DOCK9: variants seen among roughly 807,000 people sequenced by gnomAD.
DOCK9 encodes the protein dedicator of cytokinesis protein 9.
DOCK9 carries 89 observed loss-of-function variants against 263.3 expected under a neutral mutation model. The ratio of observed to expected loss-of-function variants is 0.34; its 90% CI spans 0.28 to 0.40. The LOEUF (loss-of-function observed/expected upper bound fraction) is 0.40, where lower values mean the gene tolerates loss of function less well. DOCK9 is among the 10% of genes least tolerant of loss of function. The pLI, the probability that DOCK9 is intolerant of heterozygous loss-of-function variation, is 1.00. For synonymous variants in DOCK9, 976 were observed against 973.1 expected, an observed-to-expected ratio of 1.00 and a Z score of -0.06; for missense variants, 2,140 against 2,603.4, an observed-to-expected ratio of 0.82 and a Z score of 3.87.
intron 3 of DOCK9, 101 bp downstream of exon 3, chr13:98,930,067 A>G (rs2053656104): frequency 9.7e-7 from 1 of 1,029,610 alleles, no homozygotes; most frequent in South Asian, 1.4e-5. Context: ...AAATACAATT[A>G]CCCTTTTGAC....
intron 15 of DOCK9, among the ~76,000 whole-genome samples, chr13:98,890,292 A>T (rs1441424858): frequency 6.6e-6 from 1 of 151,642 alleles, no homozygotes; most frequent in Non-Finnish European, 1.5e-5. Context: ...CCAGACTGAC[A>T]CTAGCTCATT....
At chr13:98,994,860 T>C (rs1880642808) in intron 1 of DOCK9, among the ~76,000 whole-genome samples, 1 of 152,188 alleles carries the variant, frequency 6.6e-6, no homozygotes, top group Admixed American at 6.5e-5. Flanking sequence ...TTGTGTCAAA[T>C]ATATAATTAT....
intron 49 of DOCK9, among the ~76,000 whole-genome samples, chr13:98,804,638 G>C (rs992032743): frequency 6.6e-6 from 1 of 152,188 alleles, no homozygotes; most frequent in African/African-American, 2.4e-5. Flanking sequence ...GTCCCTCCCT[G>C]TGCGGAGACC....
intron 38 of DOCK9, among the ~76,000 whole-genome samples, chr13:98,844,107 G>T (rs1480517793): frequency 6.6e-6 from 1 of 152,138 alleles, no homozygotes; most frequent in Non-Finnish European, 1.5e-5. Flanking sequence ...CTGCTAAATG[G>T]CAAAGAAAAA....
Position 98,824,495 on chromosome 13 carries a change from C to G in DOCK9, c.5033G>C (p.Arg1678Thr), listed in dbSNP as rs1475406967. ...GACCCTGAAGGCGGTGCATCCTTGT[C>G]TAAACACGCCTAGGAAGAGAGGAAG... ...AEYLTRKGVF[R>T]QGCTAFRVIT... is the part of the protein sequence containing the mutation. Residue 1678 changes from arginine (R) to threonine (T), a missense_variant, in exon 45 of 53, where the codon AGA becomes ACA. By Grantham distance (71) the Arg-to-Thr change is moderately conservative (BLOSUM62 -1). Coordinates refer to ENST00000682017, the MANE Select transcript of DOCK9 (RefSeq NM_001366683.2). The G allele has an allele frequency of 1.2e-6, 2 of 1,613,678 alleles. No homozygotes were observed. Among genetic ancestry groups the G allele is most frequent in the Non-Finnish European group, 8.5e-7 (1 of 1,179,694 alleles).
At chr13:99,042,839 T>C (rs1888589622) in intron 1 of DOCK9, among the ~76,000 whole-genome samples, 1 of 152,196 alleles carries the variant, frequency 6.6e-6, no homozygotes, top group African/African-American at 2.4e-5. Context: ...CAAACTCAAA[T>C]TTTTATACAT....
In DOCK9 at chr13:98,839,904, G is replaced by A. The variant is rs148177898; in HGVS notation, c.4199-2295C>T. ...GTCAGATTCATACAGACATCGGTAC[G>A]CTTGCCTGAGTCATACAGGAATCTA... On this transcript the variant is annotated intron_variant, in intron 38 of 52. Coordinates refer to ENST00000682017, the MANE Select transcript of DOCK9 (RefSeq NM_001366683.2). Among the ~76,000 whole-genome samples the A allele has an allele frequency of 1.3e-4, 20 of 152,324 alleles. No individual in the cohort carries two copies. The East Asian group carries it at 3.1e-3, about 24-fold the overall frequency.
intron 1 of DOCK9, among the ~76,000 whole-genome samples, chr13:99,043,234 G>A (rs1274650596): frequency 6.6e-6 from 1 of 152,250 alleles, no homozygotes; most frequent in East Asian, 1.9e-4. Context: ...AGTGACCTCA[G>A]TAGGACTTTT....
chr13:99,086,370 T>C, exon 1 of DOCK9: 1 of 1,206,614 alleles, frequency 8.3e-7, no homozygotes, highest in Non-Finnish European at 1.0e-6. Flanking sequence ...CCCCGCCGCC[T>C]CCGCCTCCGC....
chr13:98,855,662 C>G (rs1197678458), intron 34 of DOCK9, among the ~76,000 whole-genome samples: 1 of 152,148 alleles, frequency 6.6e-6, no homozygotes, highest in Non-Finnish European at 1.5e-5. Context: ...GAGCCATTCA[C>G]TCAAGACGCT....
chr13:98,878,544 C>T (rs544003529), intron 27 of DOCK9, among the ~76,000 whole-genome samples: 1 of 152,284 alleles, frequency 6.6e-6, no homozygotes, highest in East Asian at 1.9e-4. Flanking sequence ...TGTGTGTCTG[C>T]GTGTGCATGT....
chr13:99,081,742 A>G (rs1282398481), intron 1 of DOCK9, among the ~76,000 whole-genome samples: 2 of 152,242 alleles, frequency 1.3e-5, no homozygotes, highest in African/African-American at 2.4e-5. Context: ...AAAAGTAATC[A>G]TAACTCAACC....
At chr13:98,992,482 A>G (rs1880038610) in intron 1 of DOCK9, among the ~76,000 whole-genome samples, 1 of 152,106 alleles carries the variant, frequency 6.6e-6, no homozygotes, top group Non-Finnish European at 1.5e-5. Flanking sequence ...CTGTGTCTAA[A>G]CCCAAATCTC....
At chr13:98,809,855 G>T (rs1268265273) in intron 46 of DOCK9, among the ~76,000 whole-genome samples, 1 of 152,210 alleles carries the variant, frequency 6.6e-6, no homozygotes, top group Non-Finnish European at 1.5e-5. Context: ...GTGGAGTAAG[G>T]AAGAGTTCTC....
chr13:98,846,132 G>C, intron 37 of DOCK9, 72 bp from the exon 38 acceptor site: 1 of 1,514,676 alleles, frequency 6.6e-7, no homozygotes, highest in South Asian at 1.2e-5. Context: ...GGGAGTGTTA[G>C]TGAAGCCAGA....
At chr13:98,820,282 G>GCAGTGT (rs1235993350) in intron 45 of DOCK9, among the ~76,000 whole-genome samples, 2 of 152,158 alleles carry the variant, frequency 1.3e-5, no homozygotes, top group Non-Finnish European at 2.9e-5. Flanking sequence ...CTTACACATG[G>GCAGTGT]CAGTGTTCTT....
At chr13:98,826,938 T>C (rs2092566120) in intron 43 of DOCK9, 51 bp from the exon 44 acceptor site, 2 of 1,409,674 alleles carry the variant, frequency 1.4e-6, no homozygotes, top group Non-Finnish European at 2.0e-6. Flanking sequence ...CAGCAAGTCA[T>C]AATGCTCCCA....
At chr13:98,930,111 G>T (rs902647767) in intron 3 of DOCK9, 57 bp downstream of exon 3, 10 of 1,448,258 alleles carry the variant, frequency 6.9e-6, no homozygotes, top group Non-Finnish European at 9.5e-6. Flanking sequence ...TAAAGAAAAG[G>T]AGGCAGTTAG....
At chr13:98,949,368 GTTACAGGA>G (rs2057122751) in intron 2 of DOCK9, among the ~76,000 whole-genome samples, 1 of 152,188 alleles carries the variant, frequency 6.6e-6, no homozygotes. Flanking sequence ...TTGGTCCACT[GTTACAGGA>G]GTCTTACAGA....
Sources: gnomAD v4.1 joint callset for allele counts (sites outside exome capture counted in the v4.1 genomes callset) on GRCh38, gnomAD v4.1.1 for gene constraint, MANE v1.5 for transcripts, NCBI Gene and HGNC (gene_info 2026-07-23, HGNC 2026-07-21) for gene names.